RPRD1A: variants seen among roughly 807,000 people sequenced by gnomAD.
The protein encoded by RPRD1A is regulation of nuclear pre-mRNA domain containing 1A.
Under a neutral mutation model 37.8 loss-of-function variants are expected in RPRD1A, and 9 were observed. The ratio of observed to expected loss-of-function variants is 0.24; its 90% confidence interval spans 0.14 to 0.42. The LOEUF (loss-of-function observed/expected upper bound fraction) is 0.42, where lower values mean the gene tolerates loss of function less well. RPRD1A is among the 10% of genes least tolerant of loss of function. RPRD1A has a pLI of 1.00. For synonymous variants in RPRD1A, 138 were observed against 139.7 expected, an observed-to-expected ratio of 0.99 and a Z score of 0.08; for missense variants, 255 against 371.0, an observed-to-expected ratio of 0.69 and a Z score of 2.57.
chr18:35,991,227 T>C lies in RPRD1A; in HGVS notation c.*1924A>G, dbSNP rs191392344. 12 of 152,334 alleles carry C rather than the reference T, an allele frequency of 7.9e-5. No individual in the cohort carries two copies. Among genetic ancestry groups the C allele is most frequent in the Admixed American group, 2.6e-4 (4 of 15,294 alleles). 9.4% of individuals were successfully genotyped at this position (152,334 alleles called of 1,614,324 possible). A position where few individuals can be genotyped will look rare whatever the true frequency, so the allele number is the denominator to read the frequency against. The stretch of plus-strand genomic sequence containing the variant: ...CAGATCATAAATAAGGTCAAGATAT[T>C]GAAAATAAGTTAACATACAAGTTTT... On this transcript the variant is annotated 3_prime_UTR_variant, in exon 7 of 7. Transcript: ENST00000399022.
chr18:36,013,907 G>C (rs1463595759), intron 6 of RPRD1A, among the ~76,000 whole-genome samples: 1 of 151,826 alleles, frequency 6.6e-6, no homozygotes, highest in Non-Finnish European at 1.5e-5. Flanking sequence ...AAACAAAACA[G>C]GTCCATAAAA....
intron 2 of RPRD1A, among the ~76,000 whole-genome samples, chr18:36,032,816 C>T (rs1253767617): frequency 6.6e-6 from 1 of 151,922 alleles, no homozygotes; most frequent in Non-Finnish European, 1.5e-5. Context: ...GAAGCAAGGA[C>T]ATAATGAGTT....
chr18:36,025,554 A>C (rs1911306516), intron 6 of RPRD1A: 1 of 940,170 alleles, frequency 1.1e-6, no homozygotes, highest in Non-Finnish European at 1.5e-6. Flanking sequence ...GAATAAAGTT[A>C]CAGTCTTCTC....
At chr18:36,019,816 G>C (rs1482150961) in intron 6 of RPRD1A, among the ~76,000 whole-genome samples, 2 of 152,136 alleles carry the variant, frequency 1.3e-5, no homozygotes, top group African/African-American at 4.8e-5. Context: ...GAGGTGAGCG[G>C]GTCACCTGAG....
intron 6 of RPRD1A, among the ~76,000 whole-genome samples, chr18:36,016,902 T>C (rs979605807): frequency 1.3e-5 from 2 of 152,198 alleles, no homozygotes; most frequent in Non-Finnish European, 2.9e-5. Context: ...GATTCTATCC[T>C]TCTAAATCTT....
At position 36,008,577 on chromosome 18, in the gene RPRD1A, G is replaced by GTATATATATATATATATATA. The variant is rs141531156; in HGVS notation, c.790-15278_790-15277insTATATATATATATATATATA. The stretch of plus-strand genomic sequence containing the variant: ...GGCGACACAGCAAGACCTTGTGTGT[G>GTATATATATATATATATATA]TATATATATATATCTTTAAAAATCT... On this transcript the variant is annotated intron_variant, in intron 6 of 6. Transcript: ENST00000399022. Among the ~76,000 whole-genome samples the GTATATATATATATATATATA allele has an allele frequency of 3.4e-3, 162 of 47,794 alleles. 13 individuals carry two copies. Among genetic ancestry groups the GTATATATATATATATATATA allele is most frequent in the African/African-American group, 1.0e-2 (148 of 14,816 alleles). 31.4% of individuals were successfully genotyped at this position (47,794 alleles called of 152,430 possible).
chr18:36,047,182 T>C (rs1047166679), intron 1 of RPRD1A, among the ~76,000 whole-genome samples: 2 of 151,820 alleles, frequency 1.3e-5, no homozygotes, highest in Non-Finnish European at 2.9e-5. Flanking sequence ...TACTCCAGCC[T>C]GGGCAACAGA....
chr18:36,060,611 C>G (rs1050504740), intron 1 of RPRD1A, among the ~76,000 whole-genome samples: 2 of 152,110 alleles, frequency 1.3e-5, no homozygotes, highest in African/African-American at 4.8e-5. Flanking sequence ...ACGCAGTATG[C>G]TGGGGAGCTA....
intron 1 of RPRD1A, among the ~76,000 whole-genome samples, chr18:36,052,297 A>C (rs1017991372): frequency 2.0e-5 from 3 of 152,086 alleles, no homozygotes; most frequent in Admixed American, 6.6e-5. Flanking sequence ...AAGAAATCCT[A>C]AAGACAGTCC....
At chr18:36,011,835 C>T (rs1332775344) in intron 6 of RPRD1A, among the ~76,000 whole-genome samples, 13 of 152,148 alleles carry the variant, frequency 8.5e-5, no homozygotes, top group Admixed American at 8.5e-4. Context: ...TAAGAGTCCA[C>T]CCTTGTCTAC....
intron 4 of RPRD1A, among the ~76,000 whole-genome samples, chr18:36,029,480 G>C (rs886490709): frequency 1.3e-5 from 2 of 152,048 alleles, no homozygotes; most frequent in Admixed American, 6.5e-5. Flanking sequence ...TATGAAGTTA[G>C]GTGTACAATT....
chr18:36,017,698 T>C (rs1166330048), intron 6 of RPRD1A, among the ~76,000 whole-genome samples: 1 of 152,236 alleles, frequency 6.6e-6, no homozygotes, highest in African/African-American at 2.4e-5. Context: ...ATGCCTCTCT[T>C]GACAGTAATT....
chr18:36,041,817 T>C (rs557739947), intron 1 of RPRD1A, among the ~76,000 whole-genome samples: 1 of 152,214 alleles, frequency 6.6e-6, no homozygotes, highest in Non-Finnish European at 1.5e-5. Flanking sequence ...ATGGATTCTA[T>C]CTGTCCCAGA....
intron 6 of RPRD1A, among the ~76,000 whole-genome samples, chr18:36,008,567 CCT>C (rs1397342236): frequency 5.8e-4 from 1 of 1,728 alleles, no homozygotes; most frequent in Non-Finnish European, 2.7e-3. Flanking sequence ...CACAGCAAGA[CCT>C]TGTGTGTGTA....
At chr18:35,994,981 G>A (rs953112428) in intron 6 of RPRD1A, among the ~76,000 whole-genome samples, 5 of 152,050 alleles carry the variant, frequency 3.3e-5, no homozygotes, top group South Asian at 2.1e-4. Flanking sequence ...CATGACCCTC[G>A]TCCCTCTCCT....
chr18:35,990,816 T>C lies in RPRD1A; in HGVS notation c.*2335A>G, dbSNP rs1210804742. The C allele has an allele frequency of 6.6e-6, 1 of 152,196 alleles. No individual in the cohort carries two copies. Among genetic ancestry groups the C allele is most frequent in the Non-Finnish European group, 1.5e-5 (1 of 68,036 alleles). The allele number at this position is 152,196 out of a possible 1,614,324, so 9.4% of individuals were successfully genotyped here. A position where few individuals can be genotyped will look rare whatever the true frequency, so the allele number is the denominator to read the frequency against. ...GAAGTCTTCCTTTTAGGAAGAATGTTTGCTGCTAAGGCTTACCATGTTAAT... is the reference window on the plus strand; with the variant it reads ...GAAGTCTTCCTTTTAGGAAGAATGTCTGCTGCTAAGGCTTACCATGTTAAT... On this transcript the variant is annotated 3_prime_UTR_variant, in exon 7 of 7. Coordinates refer to ENST00000399022, the MANE Select transcript of RPRD1A (RefSeq NM_018170.5).
intron 1 of RPRD1A, among the ~76,000 whole-genome samples, chr18:36,046,082 TAG>T (rs1422234913): frequency 2.0e-5 from 3 of 152,218 alleles, no homozygotes; most frequent in African/African-American, 4.8e-5. Context: ...AATTTTAATA[TAG>T]GTCATGATTT....
At chr18:36,038,930 C>T (rs1243607148) in intron 1 of RPRD1A, among the ~76,000 whole-genome samples, 2 of 152,204 alleles carry the variant, frequency 1.3e-5, no homozygotes, top group Non-Finnish European at 2.9e-5. Context: ...CTATGATACC[C>T]CCGTTGTATC....
intron 2 of RPRD1A, among the ~76,000 whole-genome samples, chr18:36,033,060 T>C (rs1357468652): frequency 2.0e-5 from 3 of 151,886 alleles, no homozygotes; most frequent in Non-Finnish European, 4.4e-5. Context: ...TCCCAGCACT[T>C]TGGGAGGCCG....
Sources: gnomAD v4.1 joint callset for allele counts (sites outside exome capture counted in the v4.1 genomes callset) on GRCh38, gnomAD v4.1.1 for gene constraint, MANE v1.5 for transcripts, NCBI Gene and HGNC (gene_info 2026-07-23, HGNC 2026-07-21) for gene names.